Variants in ATRNL1 observed in about 807,000 individuals in gnomAD.
ATRNL1 encodes attractin-like protein 1.
ATRNL1 carries 95 observed loss-of-function variants against 182.7 expected under a neutral mutation model. The observed-to-expected ratio is 0.52, with a 90% CI of 0.44 to 0.62. The LOEUF (loss-of-function observed/expected upper bound fraction) is 0.62, where lower values mean the gene tolerates loss of function less well. ATRNL1 is among the 20% of genes least tolerant of loss of function. The pLI is 0.00. For synonymous variants in ATRNL1, 576 were observed against 568.3 expected, an observed-to-expected ratio of 1.01 and a Z score of -0.19; for missense variants, 1,471 against 1,679.5, an observed-to-expected ratio of 0.88 and a Z score of 2.17.
chr10:115,650,072 T>C (rs1287933193), intron 26 of ATRNL1, among the ~76,000 whole-genome samples: 2 of 152,140 alleles, frequency 1.3e-5, no homozygotes, highest in African/African-American at 4.8e-5. Flanking sequence ...AATTACTAAA[T>C]AAATAGTATT....
intron 26 of ATRNL1, among the ~76,000 whole-genome samples, chr10:115,628,171 A>G (rs1397185538): frequency 6.6e-6 from 1 of 151,956 alleles, no homozygotes. Context: ...GAAAGAAAAA[A>G]AAAGAAATGA....
chr10:115,343,544 C>A (rs1356034334), intron 19 of ATRNL1, among the ~76,000 whole-genome samples: 2 of 152,042 alleles, frequency 1.3e-5, no homozygotes, highest in African/African-American at 4.8e-5. Context: ...TGTTATCTTG[C>A]ATTTCTTTGA....
At chr10:115,628,753 T>C (rs1375901410) in intron 26 of ATRNL1, among the ~76,000 whole-genome samples, 5 of 152,198 alleles carry the variant, frequency 3.3e-5, no homozygotes, top group Admixed American at 3.3e-4. Context: ...TTTTTCTATG[T>C]GGTGTGAGTC....
chr10:115,725,556 A>C (rs1555059752), intron 26 of ATRNL1, among the ~76,000 whole-genome samples: 2 of 152,160 alleles, frequency 1.3e-5, no homozygotes, highest in African/African-American at 4.8e-5. Context: ...AAATGGAGAT[A>C]ATTGATAATA....
At chr10:115,514,148 GT>G (rs1223139373) in intron 24 of ATRNL1, among the ~76,000 whole-genome samples, 1 of 151,874 alleles carries the variant, frequency 6.6e-6, no homozygotes, top group Non-Finnish European at 1.5e-5. Context: ...TAATGTTCAA[GT>G]ATCATGTGTA....
intron 26 of ATRNL1, among the ~76,000 whole-genome samples, chr10:115,622,771 CA>C (rs1218905737): frequency 6.6e-6 from 1 of 151,932 alleles, no homozygotes; most frequent in African/African-American, 2.4e-5. Flanking sequence ...ACTAAAAATA[CA>C]AAAAATTAGC....
chr10:115,617,362 TG>T (rs1857490473), intron 26 of ATRNL1, among the ~76,000 whole-genome samples: 1 of 114,868 alleles, frequency 8.7e-6, no homozygotes, highest in African/African-American at 2.8e-5. Flanking sequence ...GGTTTTTTTT[TG>T]TTTTTTGTTT....
At chr10:115,211,968 T>G (rs1849043719) in intron 8 of ATRNL1, among the ~76,000 whole-genome samples, 1 of 151,936 alleles carries the variant, frequency 6.6e-6, no homozygotes, top group African/African-American at 2.4e-5. Flanking sequence ...TTTTCTCTAT[T>G]TTTCATATTG....
chr10:115,595,261 C>G (rs566467342), intron 26 of ATRNL1, among the ~76,000 whole-genome samples: 14 of 151,648 alleles, frequency 9.2e-5, no homozygotes, highest in African/African-American at 2.9e-4. Flanking sequence ...TCCCTTTTTT[C>G]TTACTTCTTT....
chr10:115,346,690 G>A (rs1231376133), intron 19 of ATRNL1, among the ~76,000 whole-genome samples: 1 of 151,858 alleles, frequency 6.6e-6, no homozygotes, highest in African/African-American at 2.4e-5. Context: ...ATCTTCCTTG[G>A]AGAAATGTCT....
At chr10:115,587,501 A>C (rs1343512579) in intron 26 of ATRNL1, among the ~76,000 whole-genome samples, 2 of 151,624 alleles carry the variant, frequency 1.3e-5, no homozygotes, top group Admixed American at 6.6e-5. Flanking sequence ...CGCAGTATTC[A>C]GGTGGGAGTG....
At chr10:115,517,339 T>C (rs1554984118) in intron 24 of ATRNL1, among the ~76,000 whole-genome samples, 1 of 151,946 alleles carries the variant, frequency 6.6e-6, no homozygotes, top group African/African-American at 2.4e-5. Context: ...TATTGGTTTA[T>C]ATGTTTTATT....
intron 26 of ATRNL1, among the ~76,000 whole-genome samples, chr10:115,641,030 T>C (rs1404230594): frequency 1.3e-5 from 2 of 152,154 alleles, no homozygotes; most frequent in Non-Finnish European, 2.9e-5. Context: ...AAATAGGGAA[T>C]CCTTTCCCCA....
intron 27 of ATRNL1, among the ~76,000 whole-genome samples, chr10:115,820,858 A>G (rs1950278519): frequency 6.6e-6 from 1 of 152,012 alleles, no homozygotes; most frequent in African/African-American, 2.4e-5. Flanking sequence ...CCCAAATCTC[A>G]TCTTGAATTG....
intron 27 of ATRNL1, among the ~76,000 whole-genome samples, chr10:115,819,386 G>A (rs1037663933): frequency 3.9e-5 from 6 of 152,026 alleles, no homozygotes; most frequent in African/African-American, 1.4e-4. Context: ...TGAATTCTGT[G>A]AGGATAGAGA....
intron 27 of ATRNL1, among the ~76,000 whole-genome samples, chr10:115,840,415 A>G (rs1950778740): frequency 2.0e-5 from 3 of 152,336 alleles, no homozygotes; most frequent in Admixed American, 6.5e-5. Flanking sequence ...AAAACTGGAC[A>G]GAATGGTGTA....
chr10:115,551,111 G>A (rs1554995441), intron 26 of ATRNL1, among the ~76,000 whole-genome samples: 1 of 151,572 alleles, frequency 6.6e-6, no homozygotes, highest in Admixed American at 6.6e-5. Flanking sequence ...TCTCAGTTGT[G>A]GTCTAGTCTT....
chr10:115,893,691 C>T (rs1952135551), intron 28 of ATRNL1, among the ~76,000 whole-genome samples: 1 of 152,112 alleles, frequency 6.6e-6, no homozygotes, highest in Admixed American at 6.5e-5. Flanking sequence ...GCAGATGATT[C>T]AGGAGGCTGC....
At chr10:115,146,459 T>G (rs1245870405) in intron 5 of ATRNL1, among the ~76,000 whole-genome samples, 1 of 152,160 alleles carries the variant, frequency 6.6e-6, no homozygotes, top group Non-Finnish European at 1.5e-5. Flanking sequence ...GTATTTATCA[T>G]TTCTGTGTTG....
Sources: gnomAD v4.1 joint callset for allele counts (sites outside exome capture counted in the v4.1 genomes callset) on GRCh38, gnomAD v4.1.1 for gene constraint, MANE v1.5 for transcripts, NCBI Gene and HGNC (gene_info 2026-07-23, HGNC 2026-07-21) for gene names.